ATXN2: variants seen among roughly 807,000 people sequenced by gnomAD.
ATXN2 encodes ataxin 2.
In ATXN2, 37 loss-of-function variants were observed where a neutral mutation model predicts 138.6. That is an observed-to-expected ratio of 0.27 (90% confidence interval 0.21 to 0.35). The LOEUF (loss-of-function observed/expected upper bound fraction) is 0.35, where lower values mean the gene tolerates loss of function less well. Among genes scored for constraint, ATXN2 ranks in the 10% least tolerant of loss-of-function variants. The pLI is 1.00. For synonymous variants in ATXN2, 549 were observed against 543.7 expected (o/e 1.01, Z -0.13); for missense variants, 1,216 against 1,480.3 (o/e 0.82, Z 2.93).
chr12:111,553,177 A>G (rs1882208235), intron 3 of ATXN2, among the ~76,000 whole-genome samples, 200 bp from the exon 4 acceptor site: 1 of 152,200 alleles, frequency 6.6e-6, no homozygotes, highest in Non-Finnish European at 1.5e-5. Flanking sequence ...CAGAGTTTGC[A>G]GTACGAATTT....
chr12:111,456,241 C>T lies in ATXN2; in HGVS notation c.3058G>A (p.Ala1020Thr). Residue 1020 changes from alanine (A) to threonine (T), a missense_variant, in exon 23 of 25, where the codon GCC (alanine) becomes ACC (threonine). Coordinates refer to ENST00000673436, the MANE Select transcript of ATXN2 (RefSeq NM_001372574.1). ...PSPVQHHQHQ[A>T]AQALHLASPQ... ...CTGGCCAGATGGAGAGCCTGGGCGG[C>T]CTGGTGCTGATGGTGCTGCAAAGCG... The T allele has an allele frequency of 1.9e-6, 3 of 1,614,198 alleles. No homozygotes were observed. Among genetic ancestry groups the T allele is most frequent in the Non-Finnish European group, 1.7e-6 (2 of 1,180,034 alleles).
Position 111,456,077 on chromosome 12 carries a change from G to A in ATXN2, c.3222C>T (p.His1074=), listed in dbSNP as rs759535974. The A allele has an allele frequency of 4.3e-6, 7 of 1,614,234 alleles. No individual in the cohort carries two copies. Among genetic ancestry groups the A allele is most frequent in the East Asian group, 2.2e-5 (1 of 44,890 alleles). Residue 1074 remains histidine, a synonymous_variant, in exon 23 of 25, where the codon CAC becomes CAT. Coordinates refer to ENST00000673436, the MANE Select transcript of ATXN2 (RefSeq NM_001372574.1). ...QQTVFTIHPS[H]VQPAYTNPPH... ...GTGGGTTGGTATACGCCGGCTGAAC[G>A]TGAGAAGGATGGATCGTAAAGACAG...
At position 111,598,472 on chromosome 12, in the gene ATXN2, A is replaced by C; in HGVS notation, c.251+312T>G. 24 of 984,760 alleles carry C rather than the reference A, an allele frequency of 2.4e-5. No individual in the cohort carries two copies. The highest frequency in any genetic ancestry group is 2.9e-5 in the Non-Finnish European group (24 of 829,840). The allele number at this position is 984,760 out of a possible 1,614,324, so 61.0% of individuals were successfully genotyped here. ...CGTGCGGAAGGGGGAGCCGGGGCTG[A>C]CCATCGCCGCTACCCGAGAACCCCT... On this transcript the variant is annotated intron_variant, in intron 1 of 24. Transcript: ENST00000673436. This position sits in a 1 kb window ranked among gnomAD's most constrained non-coding sequence, Gnocchi z 4.5.
chr12:111,453,747 G>A lies in ATXN2; in HGVS notation c.3369C>T (p.Leu1123=), dbSNP rs759021734. 18 of 1,613,956 alleles carry A rather than the reference G, an allele frequency of 1.1e-5. No homozygotes were observed. Among genetic ancestry groups the A allele is most frequent in the Non-Finnish European group, 1.4e-5 (17 of 1,179,970 alleles). The change falls in exon 24 of 25, where the codon CTC becomes CTT. Residue 1123 remains leucine, a synonymous_variant. Transcript: ENST00000673436. This position sits in a 1 kb window ranked among gnomAD's most constrained non-coding sequence, Gnocchi z 5.4. ...GAATGGGCTGTAGTGCACTTTGAGCGAGGGCGGCCTGGGGACCGCCGGGTG... is the reference window on the plus strand; with the variant it reads ...GAATGGGCTGTAGTGCACTTTGAGCAAGGGCGGCCTGGGGACCGCCGGGTG... ...TQPPGGPQAA[L]AQSALQPIPV...
At chr12:111,469,815 T>C (rs879283334) in intron 20 of ATXN2, 7 of 404,448 alleles carry the variant, frequency 1.7e-5, no homozygotes, top group Non-Finnish European at 3.1e-5. Context: ...AAGCATAATA[T>C]TGATGAGGAA....
At chr12:111,541,872 G>A (rs1039969127) in intron 5 of ATXN2, among the ~76,000 whole-genome samples, 14 of 147,996 alleles carry the variant, frequency 9.5e-5, no homozygotes, top group African/African-American at 3.4e-4. Context: ...CACCTACGGG[G>A]TTCGAGTAAT....
At chr12:111,580,857 A>C (rs1013635417) in intron 1 of ATXN2, among the ~76,000 whole-genome samples, 3 of 152,008 alleles carry the variant, frequency 2.0e-5, no homozygotes, top group South Asian at 2.1e-4. Context: ...ACGACAAAGA[A>C]AGGCCAGGCA....
chr12:111,488,525 C>T lies in ATXN2; in HGVS notation c.2191G>A (p.Ala731Thr). 1 of 1,614,064 alleles carries T rather than the reference C, an allele frequency of 6.2e-7. No individual in the cohort carries two copies. The highest frequency in any genetic ancestry group is 8.5e-7 in the Non-Finnish European group (1 of 1,179,988). The change falls in exon 15 of 25, where the codon GCA becomes ACA. Residue 731 changes from alanine (A) to threonine (T), a missense_variant. Transcript: ENST00000673436. Reference protein sequence around the residue: ...TSQGVQTSSPACKQEKDDKEE... With the variant: ...TSQGVQTSSPTCKQEKDDKEE... ...TTATCGTCTTTCTCTTGTTTACATG[C>T]TGGGCTGGAAGTCTGAACCCCTTGG...
At chr12:111,577,640 G>A (rs1392558785) in intron 1 of ATXN2, among the ~76,000 whole-genome samples, 3 of 152,074 alleles carry the variant, frequency 2.0e-5, no homozygotes, top group Non-Finnish European at 4.4e-5. Flanking sequence ...CTTAAAGAAA[G>A]ATATTTTTGA....
At chr12:111,565,891 T>A (rs615134) in intron 1 of ATXN2, among the ~76,000 whole-genome samples, 11,441 of 150,948 alleles carry the variant, frequency 0.076, 573 homozygotes, top group Middle Eastern at 0.19. Context: ...AGCTACTCAG[T>A]AAGCTGAGGC....
intron 20 of ATXN2, among the ~76,000 whole-genome samples, chr12:111,466,003 T>C (rs1239949126): frequency 6.7e-6 from 1 of 149,106 alleles, no homozygotes; most frequent in African/African-American, 2.5e-5. Flanking sequence ...CTGTCTCTAC[T>C]AAAAACACAA....
intron 14 of ATXN2, among the ~76,000 whole-genome samples, chr12:111,508,347 C>T (rs372279786): frequency 7.4e-5 from 11 of 149,224 alleles, no homozygotes; most frequent in East Asian, 5.9e-4. Flanking sequence ...TGTTAGAATG[C>T]TTTATTTACT....
At chr12:111,553,532 G>A (rs1263671043) in intron 3 of ATXN2, among the ~76,000 whole-genome samples, 15 of 110,500 alleles carry the variant, frequency 1.4e-4, no homozygotes, top group African/African-American at 3.6e-4. Flanking sequence ...AAAAACGTCC[G>A]TACATCTTTG....
intron 5 of ATXN2, among the ~76,000 whole-genome samples, chr12:111,547,087 G>GTTA (rs920387273): frequency 4.6e-5 from 7 of 152,206 alleles, no homozygotes; most frequent in Admixed American, 2.0e-4. Flanking sequence ...AATCAATGAT[G>GTTA]TTAGCATCAA....
At chr12:111,581,478 C>T in intron 1 of ATXN2, 5 of 954,780 alleles carry the variant, frequency 5.2e-6, no homozygotes, top group Non-Finnish European at 5.1e-6. Flanking sequence ...GTGCTGGGGG[C>T]ACCCCACAAC....
chr12:111,516,097 C>A lies in ATXN2; in HGVS notation c.1375+57G>T. The A allele has an allele frequency of 6.8e-7, 1 of 1,461,508 alleles. No homozygotes were observed. The highest frequency in any genetic ancestry group is 9.3e-7 in the Non-Finnish European group (1 of 1,075,116). The allele number at this position is 1,461,508 out of a possible 1,614,324, so 90.5% of individuals were successfully genotyped here. ...GAGGAAACTATTTTGTAATTATAAA[C>A]TCACATAGGAGTTAAACAAAGACAA... is the stretch of plus-strand genomic sequence containing the variant. On this transcript the variant is annotated intron_variant, in intron 10 of 24. Coordinates refer to ENST00000673436, the MANE Select transcript of ATXN2 (RefSeq NM_001372574.1). This position sits in a 1 kb window ranked among gnomAD's most constrained non-coding sequence, Gnocchi z 5.0.
chr12:111,592,964 A>C (rs1012309203), intron 1 of ATXN2, among the ~76,000 whole-genome samples: 2 of 152,002 alleles, frequency 1.3e-5, no homozygotes, highest in Non-Finnish European at 2.9e-5. Context: ...GTAATTCTAG[A>C]GAACAATCTT....
intron 1 of ATXN2, among the ~76,000 whole-genome samples, chr12:111,577,386 C>T (rs1293592832): frequency 6.6e-6 from 1 of 152,080 alleles, no homozygotes; most frequent in Non-Finnish European, 1.5e-5. Flanking sequence ...CTGCCTCAGC[C>T]TCCCGAGTAG....
chr12:111,492,822 G>A (rs1878129748), intron 14 of ATXN2, among the ~76,000 whole-genome samples: 1 of 151,918 alleles, frequency 6.6e-6, no homozygotes, highest in African/African-American at 2.4e-5. Context: ...CTCACCAAAT[G>A]AACTAAAAAT....
Sources: allele counts gnomAD v4.1 joint callset (sites outside exome capture counted in the v4.1 genomes callset), GRCh38; gene constraint gnomAD v4.1.1; non-coding constraint Gnocchi (gnomAD v3.1); transcripts MANE v1.5; gene names NCBI Gene and HGNC (gene_info 2026-07-23, HGNC 2026-07-21).